The following OR2A1 variants were observed in gnomAD, a reference collection of about 807,000 sequenced individuals.
OR2A1 encodes olfactory receptor 2A1/2A42.
For synonymous variants in OR2A1, 2 were observed against 94.7 expected (o/e 0.02, Z 5.68); for missense variants, 1 against 212.3 (o/e 0.00, Z 6.19).
At position 144,322,335 on chromosome 7, in the gene OR2A1, C is replaced by G. The variant is rs557893668; in HGVS notation, c.*3278C>G. On this transcript the variant is annotated 3_prime_UTR_variant, in exon 2 of 2. Transcript: ENST00000641044. ...TCTGTTGACCCCATTTCCAAATTTTCAGTGTTGAGCCATCTTCTGATTTCT... is the reference window on the plus strand; with the variant it reads ...TCTGTTGACCCCATTTCCAAATTTTGAGTGTTGAGCCATCTTCTGATTTCT... The G allele has an allele frequency of 1.8e-3, 266 of 149,386 alleles. 11 individuals carry two copies. Among genetic ancestry groups the G allele is most frequent in the African/African-American group, 6.3e-3 (253 of 40,082 alleles). The allele number at this position is 149,386 out of a possible 1,614,324, so 9.3% of individuals were successfully genotyped here. A position where few individuals can be genotyped will look rare whatever the true frequency, so the allele number is the denominator to read the frequency against.
Position 144,316,087 on chromosome 7 carries a change from T to G in OR2A1, c.-4-2034T>G, listed in dbSNP as rs1316583643. ...AAATATTTCATATGCTTTGCGTGTT[T>G]TCCAATTAAATGTAGAAGGTTGGCC... On this transcript the variant is annotated intron_variant, in intron 1 of 1. Coordinates refer to ENST00000641044, the MANE Select transcript of OR2A1 (RefSeq NM_001005287.2). Among the ~76,000 whole-genome samples, 8 of 150,190 alleles carry G rather than the reference T, an allele frequency of 5.3e-5. No individual in the cohort carries two copies. The East Asian group carries it at 1.5e-3, about 29-fold the overall frequency.
upstream of OR2A1, among the ~76,000 whole-genome samples, chr7:144,312,230 C>G (rs2053031117): frequency 1.1e-5 from 1 of 90,664 alleles, no homozygotes. Flanking sequence ...TCTCTCCTTC[C>G]CCAAGGAGAT....
Position 144,322,442 on chromosome 7 carries a change from T to C in OR2A1, c.*3385T>C, listed in dbSNP as rs1175423459. 2 of 150,894 alleles carry C rather than the reference T, an allele frequency of 1.3e-5. No individual in the cohort carries two copies. Among genetic ancestry groups the C allele is most frequent in the Non-Finnish European group, 3.0e-5 (2 of 67,780 alleles). 9.3% of individuals were successfully genotyped at this position (150,894 alleles called of 1,614,324 possible). A position where few individuals can be genotyped will look rare whatever the true frequency, so the allele number is the denominator to read the frequency against. On this transcript the variant is annotated 3_prime_UTR_variant, in exon 2 of 2. Coordinates refer to ENST00000641044, the MANE Select transcript of OR2A1 (RefSeq NM_001005287.2). ...GCTGATAATTATTGAGCACTTACTATGTGGTTGGCACTGCATAAAATGCTT... is the reference window on the plus strand; with the variant it reads ...GCTGATAATTATTGAGCACTTACTACGTGGTTGGCACTGCATAAAATGCTT...
chr7:144,320,503 CTCTT>C lies in OR2A1; in HGVS notation c.*1448_*1451del, dbSNP rs1467702926. ...ATTCCAAGAACCTTACAAGTAAGAG[CTCTT>C]TAAGTCCTCATAAAAACCCTATGAG... On this transcript the variant is annotated 3_prime_UTR_variant, in exon 2 of 2. Coordinates refer to ENST00000641044, the MANE Select transcript of OR2A1 (RefSeq NM_001005287.2). 8.3e-6 allele frequency: 1 copy of C among 120,768 alleles called. No homozygotes were observed. The highest frequency in any genetic ancestry group is 3.9e-5 in the African/African-American group (1 of 25,498). The allele number at this position is 120,768 out of a possible 1,614,324, so 7.5% of individuals were successfully genotyped here. A position where few individuals can be genotyped will look rare whatever the true frequency, so the allele number is the denominator to read the frequency against.
intron 1 of OR2A1, among the ~76,000 whole-genome samples, chr7:144,316,378 T>C (rs1464506539): frequency 4.7e-5 from 7 of 149,024 alleles, no homozygotes; most frequent in East Asian, 3.9e-4. Context: ...GTTTGTTACA[T>C]AGGTAAACAA....
At position 144,320,745 on chromosome 7, in the gene OR2A1, A is replaced by C. The variant is rs1345165448; in HGVS notation, c.*1688A>C. 4.1e-5 allele frequency: 2 copies of C among 49,358 alleles called. No homozygotes were observed. 3.1% of individuals were successfully genotyped at this position (49,358 alleles called of 1,614,324 possible). A position where few individuals can be genotyped will look rare whatever the true frequency, so the allele number is the denominator to read the frequency against. On this transcript the variant is annotated 3_prime_UTR_variant, in exon 2 of 2. Coordinates refer to ENST00000641044, the MANE Select transcript of OR2A1 (RefSeq NM_001005287.2). ...GAGGAGAGATGAAAAGCAATTTTCA[A>C]TCTCTAGCCAAAGATAGGCATTGGG...
rs1228454014 is a variant in OR2A1, at chr7:144,321,793, T to A, written c.*2736T>A. 6.7e-6 allele frequency: 1 copy of A among 148,952 alleles called. No individual in the cohort carries two copies. The highest frequency in any genetic ancestry group is 1.9e-4 in the East Asian group (1 of 5,170). 9.2% of individuals were successfully genotyped at this position (148,952 alleles called of 1,614,324 possible). On this transcript the variant is annotated 3_prime_UTR_variant, in exon 2 of 2. Coordinates refer to ENST00000641044, the MANE Select transcript of OR2A1 (RefSeq NM_001005287.2). Reference sequence around the variant, plus strand: ...TGAACATAAGATAAACTGTTATGATTACCCTGCTGTCAGAAGTTATTTTAA... The same window carrying A: ...TGAACATAAGATAAACTGTTATGATAACCCTGCTGTCAGAAGTTATTTTAA...
chr7:144,322,283 C>T lies in OR2A1; in HGVS notation c.*3226C>T, dbSNP rs1302808755. 6.8e-6 allele frequency: 1 copy of T among 147,810 alleles called. No individual in the cohort carries two copies. The highest frequency in any genetic ancestry group is 6.6e-5 in the Admixed American group (1 of 15,038). The allele number at this position is 147,810 out of a possible 1,614,324, so 9.2% of individuals were successfully genotyped here. On this transcript the variant is annotated 3_prime_UTR_variant, in exon 2 of 2. Transcript: ENST00000641044. ...GCACAGAGTGAGTACTCACAAAAAA[C>T]ATACGGAATACATAGAGGACACTTT...
chr7:144,315,716 C>G (rs1192036215), intron 1 of OR2A1, among the ~76,000 whole-genome samples: 1 of 101,652 alleles, frequency 9.8e-6, no homozygotes, highest in African/African-American at 3.0e-5. Flanking sequence ...AAGATGTAGA[C>G]TGGGTACACG....
rs1166292750 is a variant in OR2A1, at chr7:144,312,425, T to C, written c.-127T>C. ...GAAACCTTCAGGTGCTTCACTCTTC[T>C]GAGATCCTTGAGTCCAAATGTGGGA... On this transcript the variant is annotated 5_prime_UTR_variant, in exon 1 of 2. Coordinates refer to ENST00000641044, the MANE Select transcript of OR2A1 (RefSeq NM_001005287.2). 1.0e-5 allele frequency: 1 copy of C among 98,374 alleles called. No homozygotes were observed. 6.1% of individuals were successfully genotyped at this position (98,374 alleles called of 1,614,324 possible).
At position 144,319,230 on chromosome 7, in the gene OR2A1, T is replaced by TA. The variant is rs2128838739; in HGVS notation, c.*175dup. On this transcript the variant is annotated 3_prime_UTR_variant, in exon 2 of 2. Transcript: ENST00000641044. ...TAGTTTTTGATGCATTTGTTATACT[T>TA]AACATTTTTTAATTTAAGCACTTAT... The TA allele has an allele frequency of 1.7e-6, 1 of 591,590 alleles. No homozygotes were observed. The highest frequency in any genetic ancestry group is 2.0e-5 in the South Asian group (1 of 49,220). 36.6% of individuals were successfully genotyped at this position (591,590 alleles called of 1,614,324 possible).
rs575834344 is a variant in OR2A1 at position 144,315,938 on chromosome 7, A to G, written c.-4-2183A>G. ...GATCGCTTGAATCTGATATGTCAAA[A>G]CTACAGTGAGCCGTAATCACACCAC... On this transcript the variant is annotated intron_variant, in intron 1 of 1. Coordinates refer to ENST00000641044, the MANE Select transcript of OR2A1 (RefSeq NM_001005287.2). 4.4e-4 allele frequency among the ~76,000 whole-genome samples: 39 copies of G among 88,058 alleles called. 5 individuals carry two copies. The highest frequency in any genetic ancestry group is 5.0e-3 in the Middle Eastern group (1 of 200). 57.8% of individuals were successfully genotyped at this position (88,058 alleles called of 152,430 possible).
At position 144,322,486 on chromosome 7, in the gene OR2A1, A is replaced by C. The variant is rs2053178631; in HGVS notation, c.*3429A>C. The C allele has an allele frequency of 6.6e-6, 1 of 150,854 alleles. No homozygotes were observed. 9.3% of individuals were successfully genotyped at this position (150,854 alleles called of 1,614,324 possible). A position where few individuals can be genotyped will look rare whatever the true frequency, so the allele number is the denominator to read the frequency against. ...AATGCTTTAGAAAAATTCTTACATC[A>C]AATATGTGGAGTAGGTACTAATACT... On this transcript the variant is annotated 3_prime_UTR_variant, in exon 2 of 2. Transcript: ENST00000641044.
chr7:144,317,350 G>A (rs2053101463), intron 1 of OR2A1, among the ~76,000 whole-genome samples: 1 of 152,018 alleles, frequency 6.6e-6, no homozygotes, highest in African/African-American at 2.4e-5. Flanking sequence ...ATATAACGCA[G>A]TGGCAAACAT....
At chr7:144,313,418 T>TTGTTTGTA in intron 1 of OR2A1, among the ~76,000 whole-genome samples, 1 of 86,552 alleles carries the variant, frequency 1.2e-5, no homozygotes, top group Non-Finnish European at 2.2e-5. Flanking sequence ...TGTTGTTTGT[T>TTGTTTGTA]TTTTTACCAT....
At chr7:144,315,401 C>G (rs1626653) in intron 1 of OR2A1, among the ~76,000 whole-genome samples, 3 of 55,292 alleles carry the variant, frequency 5.4e-5, no homozygotes, top group East Asian at 8.8e-3. Context: ...TGTATTTATT[C>G]ATTAATTTGT....
intron 1 of OR2A1, among the ~76,000 whole-genome samples, chr7:144,313,476 A>G (rs151070726): frequency 0.027 from 3,662 of 135,484 alleles, 30 homozygotes; most frequent in Non-Finnish European, 0.042. Flanking sequence ...CTTGCCTACT[A>G]TAATCGGTAT....
At chr7:144,317,459 A>G (rs2053103755) in intron 1 of OR2A1, among the ~76,000 whole-genome samples, 1 of 144,076 alleles carries the variant, frequency 6.9e-6, no homozygotes, top group Admixed American at 7.2e-5. Context: ...ATTCAAAACC[A>G]GTTTTTGGTA....
rs1168722349 is a variant in OR2A1 at position 144,320,387 on chromosome 7, G to A, written c.*1330G>A. 1.5e-5 allele frequency: 2 copies of A among 129,140 alleles called. No homozygotes were observed. Among genetic ancestry groups the A allele is most frequent in the Admixed American group, 7.8e-5 (1 of 12,876 alleles). The allele number at this position is 129,140 out of a possible 1,614,324, so 8.0% of individuals were successfully genotyped here. ...AAGATCCAGAACAAAGACATCTCTA[G>A]TTCACATACAACACTCACATGCTCA... On this transcript the variant is annotated 3_prime_UTR_variant, in exon 2 of 2. Transcript: ENST00000641044.
Sources: allele counts gnomAD v4.1 joint callset (sites outside exome capture counted in the v4.1 genomes callset), GRCh38; gene constraint gnomAD v4.1.1; transcripts MANE v1.5; gene names NCBI Gene and HGNC (gene_info 2026-07-23, HGNC 2026-07-21).